RBM25: variants seen among roughly 807,000 people sequenced by gnomAD.
RBM25 encodes RNA-binding protein 25.
In RBM25, 19 loss-of-function variants were observed where a neutral mutation model predicts 120.7. That is an observed-to-expected ratio of 0.16 (90% confidence interval 0.11 to 0.23). The LOEUF is 0.23. Among genes scored for constraint, RBM25 ranks in the 10% least tolerant of loss-of-function variants. The probability of loss-of-function intolerance (pLI) is 1.00; values close to 1 mark genes in which losing one functional copy is unlikely to be tolerated. For missense variants in RBM25, 605 were observed against 1,041.5 expected, an observed-to-expected ratio of 0.58 and a Z score of 5.77; for synonymous variants, 390 against 326.7, an observed-to-expected ratio of 1.19 and a Z score of -2.09.
intron 18 of RBM25, among the ~76,000 whole-genome samples, chr14:73,117,205 C>CTTTTATTTTTTTTTTTT (rs1896448964): frequency 1.1e-3 from 40 of 36,548 alleles, no homozygotes; most frequent in African/African-American, 3.8e-3. Context: ...TTTCTTTCTT[C>CTTTTATTTTTTTTTTTT]TTTTCTTTTT....
chr14:73,111,112 A>T lies in RBM25; in HGVS notation c.1974A>T (p.Gln658His), dbSNP rs774386644. 21 of 1,614,084 alleles carry T rather than the reference A, an allele frequency of 1.3e-5. No homozygotes were observed. The highest frequency in any genetic ancestry group is 1.8e-5 in the Non-Finnish European group (21 of 1,179,968). Reference sequence around the variant, plus strand: ...ATGAAAACTCACCAGATCAACAGCAACCTGAGGAGCATAGGCCAAAAATAG... The same window carrying T: ...ATGAAAACTCACCAGATCAACAGCATCCTGAGGAGCATAGGCCAAAAATAG... The part of the protein sequence containing the change: ...IPHENSPDQQ[Q>H]PEEHRPKIGL... Residue 658 changes from glutamine (Q) to histidine (H), a missense_variant, in exon 15 of 19, where the codon CAA becomes CAT. Coordinates refer to ENST00000261973, the MANE Select transcript of RBM25 (RefSeq NM_021239.3).
intron 1 of RBM25, among the ~76,000 whole-genome samples, chr14:73,064,595 A>T (rs868119195): frequency 6.6e-6 from 1 of 151,106 alleles, no homozygotes; most frequent in Non-Finnish European, 1.5e-5. Flanking sequence ...GGCTTTCACC[A>T]TGTTGGCCAG....
chr14:73,062,813 AT>A (rs1247677297), intron 1 of RBM25, among the ~76,000 whole-genome samples: 1 of 151,022 alleles, frequency 6.6e-6, no homozygotes, highest in Non-Finnish European at 1.5e-5. Flanking sequence ...CCCTTCTATC[AT>A]AGGTTTCTGT....
At chr14:73,091,809 C>T (rs1895820389) in intron 6 of RBM25, among the ~76,000 whole-genome samples, 1 of 151,930 alleles carries the variant, frequency 6.6e-6, no homozygotes, top group African/African-American at 2.4e-5. Flanking sequence ...ACCCAGGAGG[C>T]GGAGGTTACA....
chr14:73,063,152 A>G (rs917636213), intron 1 of RBM25, among the ~76,000 whole-genome samples: 1 of 147,420 alleles, frequency 6.8e-6, no homozygotes, highest in African/African-American at 2.5e-5. Flanking sequence ...CGTGGGCTAT[A>G]GAGTTTCTTT....
At chr14:73,071,421 A>G (rs1465956081) in intron 1 of RBM25, among the ~76,000 whole-genome samples, 1 of 152,028 alleles carries the variant, frequency 6.6e-6, no homozygotes, top group African/African-American at 2.4e-5. Flanking sequence ...TCTGTCCTGA[A>G]CTTCGATCAT....
chr14:73,077,292 G>T (rs777769162), intron 3 of RBM25, 77 bp from the exon 4 acceptor site: 69 of 1,265,268 alleles, frequency 5.5e-5, no homozygotes, highest in Non-Finnish European at 7.5e-5. Context: ...ATTTAATCCT[G>T]ATGTTTTTAG....
chr14:73,062,105 C>T (rs142475100), intron 1 of RBM25, among the ~76,000 whole-genome samples: 1 of 151,372 alleles, frequency 6.6e-6, no homozygotes, highest in East Asian at 1.9e-4. Context: ...GATCCTCCTG[C>T]GTAGCTGTGA....
chr14:73,064,362 G>C (rs764725803), intron 1 of RBM25, among the ~76,000 whole-genome samples: 1 of 151,318 alleles, frequency 6.6e-6, no homozygotes, highest in Non-Finnish European at 1.5e-5. Flanking sequence ...TCAAAGATGA[G>C]AAATGTTTTC....
chr14:73,106,151 T>G (rs761067740), intron 11 of RBM25, 45 bp from the exon 12 acceptor site: 2 of 1,578,126 alleles, frequency 1.3e-6, no homozygotes, highest in Non-Finnish European at 1.7e-6. Flanking sequence ...ATTTATAGAA[T>G]GCTATGTATA....
chr14:73,093,348 C>A (rs548072305), intron 6 of RBM25, among the ~76,000 whole-genome samples: 21 of 152,328 alleles, frequency 1.4e-4, no homozygotes, highest in African/African-American at 4.8e-4. Flanking sequence ...CCCAGCAGAG[C>A]TGTTTAACTT....
At chr14:73,098,103 G>GA (rs965459337) in intron 7 of RBM25, among the ~76,000 whole-genome samples, 2 of 151,756 alleles carry the variant, frequency 1.3e-5, no homozygotes, top group Non-Finnish European at 2.9e-5. Flanking sequence ...TATAAAGTAA[G>GA]AAAAAAAATC....
chr14:73,116,800 G>A (rs1594939308), intron 18 of RBM25, among the ~76,000 whole-genome samples: 1 of 152,152 alleles, frequency 6.6e-6, no homozygotes, highest in African/African-American at 2.4e-5. Context: ...TATTTGAAGT[G>A]TATTTAGACC....
At chr14:73,101,961 G>C (rs144757359) in intron 9 of RBM25, 1 of 151,830 alleles carries the variant, frequency 6.6e-6, no homozygotes, top group African/African-American at 2.4e-5. Context: ...GACTTTGCCC[G>C]TATTCTACTT....
At chr14:73,085,805 CAATG>C (rs1276189858) in intron 5 of RBM25, among the ~76,000 whole-genome samples, 1 of 152,164 alleles carries the variant, frequency 6.6e-6, no homozygotes, top group East Asian at 1.9e-4. Context: ...TTTCTTAAAA[CAATG>C]AGTTGCTATC....
At position 73,083,415 on chromosome 14, in the gene RBM25, A is replaced by T. The variant is rs558462949; in HGVS notation, c.325-79A>T. ...TTTTATGTTTTTTATCCCTAGTAGA[A>T]ATATAATTTTGCTTTTAGTTACATT... On this transcript the variant is annotated intron_variant, in intron 4 of 18. Coordinates refer to ENST00000261973, the MANE Select transcript of RBM25 (RefSeq NM_021239.3). 2.0e-5 allele frequency: 23 copies of T among 1,132,760 alleles called. No homozygotes were observed. The African/African-American group carries it at 3.8e-4, about 19-fold the overall frequency. 70.2% of individuals were successfully genotyped at this position (1,132,760 alleles called of 1,614,324 possible). A position where few individuals can be genotyped will look rare whatever the true frequency, so the allele number is the denominator to read the frequency against.
intron 7 of RBM25, among the ~76,000 whole-genome samples, chr14:73,097,799 C>A (rs1166568022): frequency 6.6e-6 from 1 of 152,190 alleles, no homozygotes; most frequent in Non-Finnish European, 1.5e-5. Flanking sequence ...AATAATCAAA[C>A]TGGAGGATTC....
intron 1 of RBM25, among the ~76,000 whole-genome samples, chr14:73,065,422 C>A (rs1193407465): frequency 6.7e-6 from 1 of 150,090 alleles, no homozygotes; most frequent in East Asian, 2.0e-4. Context: ...GCCACTGTGC[C>A]CAGCTAATTT....
chr14:73,111,158 A>T lies in RBM25; in HGVS notation c.2017+3A>T, dbSNP rs747803187. The T allele has an allele frequency of 6.3e-7, 1 of 1,589,404 alleles. No homozygotes were observed. The highest frequency in any genetic ancestry group is 1.7e-5 in the Admixed American group (1 of 59,160). On this transcript the variant is annotated splice_donor_region_variant and intron_variant, in intron 15 of 18. Transcript: ENST00000261973. ...AATAGGACTAAGTCTTAAACTGGGTACGTTAGCATTTCCTTCCTTCTTTAT... is the reference window on the plus strand; with the variant it reads ...AATAGGACTAAGTCTTAAACTGGGTTCGTTAGCATTTCCTTCCTTCTTTAT...
Sources: allele counts gnomAD v4.1 joint callset (sites outside exome capture counted in the v4.1 genomes callset), GRCh38; gene constraint gnomAD v4.1.1; transcripts MANE v1.5; gene names NCBI Gene and HGNC (gene_info 2026-07-23, HGNC 2026-07-21).